COL19A1: variants seen among roughly 807,000 people sequenced by gnomAD.
The protein encoded by COL19A1 is collagen alpha-1(XIX) chain.
A neutral mutation model predicts 190.2 loss-of-function variants in COL19A1; 159 were observed. The observed-to-expected ratio is 0.84, with a 90% confidence interval of 0.73 to 0.95. The LOEUF (loss-of-function observed/expected upper bound fraction) is 0.95, where lower values mean the gene tolerates loss of function less well. COL19A1 is among the 40% of genes least tolerant of loss of function. The probability of loss-of-function intolerance (pLI) is 0.00; values close to 1 mark genes in which losing one functional copy is unlikely to be tolerated. For missense variants in COL19A1, 1,418 were observed against 1,431.9 expected (o/e 0.99, Z 0.16); for synonymous variants, 509 against 458.9 (o/e 1.11, Z -1.39).
At chr6:70,133,817 T>C (rs1041301912) in intron 18 of COL19A1, among the ~76,000 whole-genome samples, 1 of 152,184 alleles carries the variant, frequency 6.6e-6, no homozygotes, top group African/African-American at 2.4e-5. Context: ...AAGGTTCAGG[T>C]AGAAAATGCT....
chr6:70,207,138 TGTC>T lies in COL19A1; in HGVS notation c.3302-6_3302-4del. 1 of 1,611,004 alleles carries T rather than the reference TGTC, an allele frequency of 6.2e-7. No homozygotes were observed. Among genetic ancestry groups the T allele is most frequent in the African/African-American group, 1.3e-5 (1 of 74,558 alleles). ...GATCTGCATTGTAATTTTTTTTTTA[TGTC>T]GTTAGCTCTGGGTTTGCCAGGCTCA... On this transcript the variant is annotated splice_polypyrimidine_tract_variant and splice_region_variant and intron_variant, in intron 50 of 50. Transcript: ENST00000620364.
chr6:69,930,623 C>T lies in COL19A1; in HGVS notation c.666+923C>T, dbSNP rs12527756. 5.5e-3 allele frequency among the ~76,000 whole-genome samples: 833 copies of T among 152,096 alleles called. 2 individuals are homozygous for T. The highest frequency in any genetic ancestry group is 0.02 in the Middle Eastern group (6 of 294). On this transcript the variant is annotated intron_variant, in intron 6 of 50. Coordinates refer to ENST00000620364, the MANE Select transcript of COL19A1 (RefSeq NM_001858.6). ...GACGAGGTCAGGAGATCGAGACCAT[C>T]CTGGCTAACATGGTGAAACCCTGTC...
chr6:69,924,411 G>A (rs929856980), intron 4 of COL19A1, among the ~76,000 whole-genome samples: 2 of 152,078 alleles, frequency 1.3e-5, no homozygotes, highest in Admixed American at 6.6e-5. Flanking sequence ...CTTCATCCAT[G>A]TCCCTACAAA....
intron 15 of COL19A1, among the ~76,000 whole-genome samples, chr6:70,069,274 C>T (rs141357769): frequency 5.9e-5 from 9 of 152,178 alleles, no homozygotes; most frequent in South Asian, 2.1e-4. Context: ...TGTAGTCCTA[C>T]GTTCTCTTTT....
intron 11 of COL19A1, among the ~76,000 whole-genome samples, chr6:70,019,174 A>G (rs1389957973): frequency 6.6e-6 from 1 of 152,116 alleles, no homozygotes; most frequent in African/African-American, 2.4e-5. Flanking sequence ...TAATAGATGG[A>G]GTTCTTTGAT....
intron 1 of COL19A1, among the ~76,000 whole-genome samples, chr6:69,867,093 C>CTT (rs3044170): frequency 8.5e-5 from 12 of 141,062 alleles, no homozygotes; most frequent in Middle Eastern, 3.8e-3. Flanking sequence ...CGTTAGAGCG[C>CTT]TTTTTTTTTT....
chr6:70,095,971 A>G (rs778549012), intron 15 of COL19A1, among the ~76,000 whole-genome samples: 2 of 152,122 alleles, frequency 1.3e-5, no homozygotes, highest in South Asian at 2.1e-4. Context: ...CCTCTTGTCT[A>G]TTGAGAATAA....
chr6:70,115,818 G>GTGTTT (rs1388334095), intron 16 of COL19A1, among the ~76,000 whole-genome samples: 3 of 106,914 alleles, frequency 2.8e-5, no homozygotes, highest in African/African-American at 1.2e-4. Flanking sequence ...TTGTTTTTTG[G>GTGTTT]TGTTTTGTTT....
intron 11 of COL19A1, among the ~76,000 whole-genome samples, chr6:70,006,390 G>T (rs1445905599): frequency 2.0e-5 from 3 of 152,174 alleles, no homozygotes; most frequent in Admixed American, 6.5e-5. Context: ...TCCCTTGGCT[G>T]GGGGGTGAGG....
intron 11 of COL19A1, among the ~76,000 whole-genome samples, chr6:69,998,482 A>C (rs1246583352): frequency 3.3e-5 from 5 of 151,812 alleles, no homozygotes; most frequent in African/African-American, 1.2e-4. Context: ...ATCTCTAATA[A>C]AAATTTTAAA....
At chr6:69,870,850 A>C (rs2149930990) in intron 1 of COL19A1, among the ~76,000 whole-genome samples, 1 of 152,350 alleles carries the variant, frequency 6.6e-6, no homozygotes, top group African/African-American at 2.4e-5. Context: ...AGCGAGGATG[A>C]GAAAGTTGGT....
At chr6:69,904,271 T>A (rs2149978360) in intron 4 of COL19A1, among the ~76,000 whole-genome samples, 1 of 152,356 alleles carries the variant, frequency 6.6e-6, no homozygotes, top group East Asian at 1.9e-4. Flanking sequence ...TACTCACAGT[T>A]TCTAGTATCT....
At chr6:69,918,145 G>A (rs1406147096) in intron 4 of COL19A1, among the ~76,000 whole-genome samples, 1 of 152,172 alleles carries the variant, frequency 6.6e-6, no homozygotes, top group Non-Finnish European at 1.5e-5. Flanking sequence ...TACCTTATGA[G>A]TCATGGTCAG....
chr6:69,952,618 A>G (rs1349460642), intron 9 of COL19A1, among the ~76,000 whole-genome samples: 1 of 151,964 alleles, frequency 6.6e-6, no homozygotes, highest in Non-Finnish European at 1.5e-5. Flanking sequence ...AACTATCATC[A>G]TTATATGAGG....
At chr6:69,970,466 T>C (rs1191681505) in intron 11 of COL19A1, among the ~76,000 whole-genome samples, 1 of 152,218 alleles carries the variant, frequency 6.6e-6, no homozygotes, top group Non-Finnish European at 1.5e-5. Context: ...CAAAATGTAC[T>C]TATTAACTTT....
At chr6:69,873,093 G>C (rs1767933784) in intron 1 of COL19A1, among the ~76,000 whole-genome samples, 1 of 152,020 alleles carries the variant, frequency 6.6e-6, no homozygotes, top group African/African-American at 2.4e-5. Flanking sequence ...CCAACATTAG[G>C]CCTGCTCTGG....
chr6:70,133,327 C>T (rs938879193), intron 18 of COL19A1, among the ~76,000 whole-genome samples: 4 of 152,222 alleles, frequency 2.6e-5, no homozygotes, highest in African/African-American at 4.8e-5. Context: ...GCACAAATAG[C>T]ACTGGAATAT....
intron 11 of COL19A1, among the ~76,000 whole-genome samples, chr6:69,992,292 T>C (rs958959557): frequency 3.9e-5 from 6 of 152,064 alleles, no homozygotes; most frequent in African/African-American, 1.4e-4. Flanking sequence ...ACTGAACTTG[T>C]AGTATAGTTT....
intron 1 of COL19A1, among the ~76,000 whole-genome samples, chr6:69,877,898 G>C (rs185939058): frequency 9.9e-5 from 15 of 152,070 alleles, no homozygotes; most frequent in Admixed American, 6.5e-5. Context: ...CCAGCTACTC[G>C]AGAGACTGAG....
Sources: gnomAD v4.1 joint callset for allele counts (sites outside exome capture counted in the v4.1 genomes callset) on GRCh38, gnomAD v4.1.1 for gene constraint, MANE v1.5 for transcripts, NCBI Gene and HGNC (gene_info 2026-07-23, HGNC 2026-07-21) for gene names.